Variants in ANKDD1B observed in about 807,000 individuals in gnomAD.
ANKDD1B encodes ankyrin repeat and death domain containing 1B, also known as ankyrin repeat and death domain-containing protein 1B.
Under a neutral mutation model 59.7 loss-of-function variants are expected in ANKDD1B, and 57 were observed. The ratio of observed to expected loss-of-function variants is 0.95; its 90% CI spans 0.77 to 1.19. The LOEUF (loss-of-function observed/expected upper bound fraction) is 1.19, where lower values mean the gene tolerates loss of function less well. Among genes scored for constraint, ANKDD1B ranks in the 50% most tolerant of loss-of-function variants. The pLI is 0.00. For synonymous variants in ANKDD1B, 216 were observed against 239.5 expected, an observed-to-expected ratio of 0.90 and a Z score of 0.91; for missense variants, 602 against 641.9, an observed-to-expected ratio of 0.94 and a Z score of 0.67.
Position 75,616,933 on chromosome 5 carries a change from A to AG in ANKDD1B, c.297+27dup. On this transcript the variant is annotated intron_variant, in intron 2 of 13. Transcript: ENST00000601380. ...GTGAGTAGAAGTCATAAATATGACA[A>AG]GTGACTTCTCCAGTAATGGCTTGGA... The AG allele has an allele frequency of 2.7e-6, 3 of 1,098,184 alleles. No homozygotes were observed. In the South Asian group the frequency reaches 4.3e-5, roughly 16 times the overall value. 68.0% of individuals were successfully genotyped at this position (1,098,184 alleles called of 1,614,324 possible).
intron 8 of ANKDD1B, among the ~76,000 whole-genome samples, chr5:75,655,534 A>G (rs1341661329): frequency 6.6e-6 from 1 of 152,208 alleles, no homozygotes; most frequent in Non-Finnish European, 1.5e-5. Flanking sequence ...GGTTCAGCCT[A>G]TTTAACACTT....
At chr5:75,641,410 G>T (rs71628913) in intron 7 of ANKDD1B, among the ~76,000 whole-genome samples, 1 of 151,970 alleles carries the variant, frequency 6.6e-6, no homozygotes, top group Non-Finnish European at 1.5e-5. Context: ...AGCACCAAAG[G>T]GTATATGATA....
chr5:75,651,412 C>T (rs531215510), intron 7 of ANKDD1B, among the ~76,000 whole-genome samples: 2 of 152,338 alleles, frequency 1.3e-5, no homozygotes, highest in African/African-American at 4.8e-5. Context: ...GCAGGAGTGC[C>T]AGGAGCAGAC....
In ANKDD1B at chr5:75,669,361, C is replaced by T. The variant is rs930599561; in HGVS notation, c.1503C>T (p.His501=). Residue 501 remains histidine, a synonymous_variant, in exon 13 of 14, where the codon CAC becomes CAT. Coordinates refer to ENST00000601380, the MANE Select transcript of ANKDD1B (RefSeq NM_001276713.2). ...PAKQLYEELV[H]AGFPKLAEKT... ...AGCAACTGTATGAAGAGCTGGTACA[C>T]GCAGGTTTCCCAAAACTAGCTGGTA... 1.6e-5 allele frequency: 20 copies of T among 1,232,024 alleles called. No homozygotes were observed. The highest frequency in any genetic ancestry group is 8.4e-5 in the Admixed American group (2 of 23,704). 76.3% of individuals were successfully genotyped at this position (1,232,024 alleles called of 1,614,324 possible).
chr5:75,638,050 T>C (rs1235409117), intron 7 of ANKDD1B, among the ~76,000 whole-genome samples: 2 of 152,206 alleles, frequency 1.3e-5, no homozygotes, highest in Non-Finnish European at 2.9e-5. Context: ...TCTTATTGCA[T>C]TGGGGATTTA....
At chr5:75,648,863 A>T (rs1239118670) in intron 7 of ANKDD1B, among the ~76,000 whole-genome samples, 3 of 152,176 alleles carry the variant, frequency 2.0e-5, no homozygotes, top group Non-Finnish European at 4.4e-5. Flanking sequence ...GACACACTTC[A>T]CCTGCTGACA....
chr5:75,617,383 T>C (rs910716425), intron 2 of ANKDD1B, among the ~76,000 whole-genome samples: 1 of 152,212 alleles, frequency 6.6e-6, no homozygotes, highest in Non-Finnish European at 1.5e-5. Context: ...TGAAATGTAG[T>C]GCGTCTCCCT....
At chr5:75,656,680 G>C (rs545361446) in intron 9 of ANKDD1B, among the ~76,000 whole-genome samples, 5 of 152,346 alleles carry the variant, frequency 3.3e-5, no homozygotes, top group Non-Finnish European at 4.4e-5. Context: ...TGAAGGGAAT[G>C]GGGGTGGGCA....
chr5:75,620,664 A>G (rs1328205792), intron 3 of ANKDD1B, among the ~76,000 whole-genome samples: 1 of 152,192 alleles, frequency 6.6e-6, no homozygotes, highest in Admixed American at 6.5e-5. Context: ...GGCCAATAGC[A>G]TGCATTTGTA....
At chr5:75,629,756 T>G (rs549367276) in intron 5 of ANKDD1B, among the ~76,000 whole-genome samples, 35 of 151,848 alleles carry the variant, frequency 2.3e-4, no homozygotes, top group Non-Finnish European at 4.4e-4. Flanking sequence ...GGAAGCATGG[T>G]GAAAACCTGC....
intron 1 of ANKDD1B, among the ~76,000 whole-genome samples, chr5:75,614,684 T>C (rs886375089): frequency 6.6e-6 from 1 of 152,188 alleles, no homozygotes; most frequent in African/African-American, 2.4e-5. Flanking sequence ...TCACTTGTGC[T>C]TTCAGTCCAT....
At chr5:75,663,517 G>T in intron 11 of ANKDD1B, 28 bp downstream of exon 11, 1 of 1,518,346 alleles carries the variant, frequency 6.6e-7, no homozygotes. Context: ...CAGCACAGCA[G>T]GGGCTTTCCT....
At chr5:75,628,359 G>A (rs1374911387) in intron 5 of ANKDD1B, among the ~76,000 whole-genome samples, 1 of 152,118 alleles carries the variant, frequency 6.6e-6, no homozygotes, top group Non-Finnish European at 1.5e-5. Flanking sequence ...CTTAATAATG[G>A]TTAAGATGAT....
At chr5:75,642,430 C>T (rs1290261174) in intron 7 of ANKDD1B, among the ~76,000 whole-genome samples, 78 of 146,186 alleles carry the variant, frequency 5.3e-4, no homozygotes, top group African/African-American at 1.9e-3. Context: ...CATTGCCTCA[C>T]CTGGGAAGCG....
intron 7 of ANKDD1B, among the ~76,000 whole-genome samples, chr5:75,648,996 T>A (rs1367556241): frequency 6.6e-6 from 1 of 152,152 alleles, no homozygotes; most frequent in Non-Finnish European, 1.5e-5. Flanking sequence ...TGAATGTAGT[T>A]GACACCTGGC....
At chr5:75,619,009 G>T (rs1773782547) in intron 2 of ANKDD1B, among the ~76,000 whole-genome samples, 1 of 152,206 alleles carries the variant, frequency 6.6e-6, no homozygotes, top group Non-Finnish European at 1.5e-5. Context: ...GCCTCCCAAA[G>T]TGCTGGGACT....
intron 1 of ANKDD1B, among the ~76,000 whole-genome samples, chr5:75,615,288 GTC>G (rs1336510864): frequency 6.6e-5 from 10 of 152,164 alleles, no homozygotes; most frequent in Admixed American, 2.0e-4. Flanking sequence ...TCAGGAATGT[GTC>G]TCTGAAATTT....
intron 8 of ANKDD1B, among the ~76,000 whole-genome samples, chr5:75,653,705 T>C (rs11952534): frequency 0.13 from 20,033 of 152,210 alleles, 3,434 homozygotes; most frequent in African/African-American, 0.4. Flanking sequence ...TTAACAAAGG[T>C]CCTCTGTGCT....
rs199640981 is a variant in ANKDD1B at position 75,649,334 on chromosome 5, GA to G, written c.799-3802del. 8.7e-3 allele frequency among the ~76,000 whole-genome samples: 1,321 copies of G among 151,602 alleles called. 5 individuals are homozygous for G. Among genetic ancestry groups the G allele is most frequent in the Non-Finnish European group, 0.014 (938 of 67,940 alleles). Reference sequence around the variant, plus strand: ...GCATAATTGGGAATTTGAGGGAGGTGAAAAAATGCAACCTACAAATTGTTTA... The same window carrying G: ...GCATAATTGGGAATTTGAGGGAGGTGAAAAATGCAACCTACAAATTGTTTA... On this transcript the variant is annotated intron_variant, in intron 7 of 13. Coordinates refer to ENST00000601380, the MANE Select transcript of ANKDD1B (RefSeq NM_001276713.2).
Sources: allele counts gnomAD v4.1 joint callset (sites outside exome capture counted in the v4.1 genomes callset), GRCh38; gene constraint gnomAD v4.1.1; transcripts MANE v1.5; gene names NCBI Gene and HGNC (gene_info 2026-07-23, HGNC 2026-07-21).